Variants in SLC35F2 observed in about 807,000 individuals in gnomAD.
SLC35F2 encodes queuine/queuosine transporter SLC35F2.
A neutral mutation model predicts 38.1 loss-of-function variants in SLC35F2; 25 were observed. The observed-to-expected ratio is 0.66, with a 90% CI of 0.48 to 0.92. The LOEUF is 0.92. Among genes scored for constraint, SLC35F2 ranks in the 40% least tolerant of loss-of-function variants. The pLI is 0.00. For synonymous variants in SLC35F2, 173 were observed against 181.7 expected (o/e 0.95, Z 0.38); for missense variants, 409 against 452.9 (o/e 0.90, Z 0.88).
chr11:107,810,938 T>A, intron 3 of SLC35F2: 3 of 972,958 alleles, frequency 3.1e-6, no homozygotes, highest in Non-Finnish European at 3.7e-6. Context: ...CCACATCTGA[T>A]ACACACTTTT....
At chr11:107,835,531 A>G (rs1363993895) in intron 1 of SLC35F2, among the ~76,000 whole-genome samples, 2 of 151,958 alleles carry the variant, frequency 1.3e-5, no homozygotes, top group Admixed American at 6.6e-5. Context: ...CCTGGGCTCA[A>G]GTGATTTTCC....
intron 1 of SLC35F2, among the ~76,000 whole-genome samples, chr11:107,851,916 A>G (rs191481170): frequency 1.3e-5 from 2 of 152,370 alleles, no homozygotes; most frequent in East Asian, 3.8e-4. Context: ...AATACCCTTC[A>G]GCAGGGATAC....
At chr11:107,854,234 C>T (rs1392166270) in intron 1 of SLC35F2, among the ~76,000 whole-genome samples, 1 of 151,294 alleles carries the variant, frequency 6.6e-6, no homozygotes, top group Non-Finnish European at 1.5e-5. Flanking sequence ...GAGTTTGAGA[C>T]CAGCCTGGGC....
intron 1 of SLC35F2, among the ~76,000 whole-genome samples, chr11:107,856,278 G>A (rs1024778374): frequency 1.3e-5 from 2 of 152,154 alleles, no homozygotes; most frequent in South Asian, 2.1e-4. Context: ...AGAGCTAATG[G>A]TGACAACTAA....
chr11:107,842,750 A>T (rs1419851268), intron 1 of SLC35F2, among the ~76,000 whole-genome samples: 1 of 152,202 alleles, frequency 6.6e-6, no homozygotes, highest in Non-Finnish European at 1.5e-5. Flanking sequence ...ATGAAGTCTA[A>T]CAATCACCTG....
intron 4 of SLC35F2, 149 bp downstream of exon 4, chr11:107,806,568 G>A: frequency 1.4e-6 from 1 of 706,416 alleles, no homozygotes; most frequent in Non-Finnish European, 2.5e-6. Flanking sequence ...ACTATCAACT[G>A]AATTCAACAC....
chr11:107,805,458 A>G lies in SLC35F2; in HGVS notation c.632T>C (p.Ile211Thr). ...GATGTATTCCTCACAAACATTTGAA[A>G]TGGCATAGAGGGAAGCCCCAAGAAG... ...LVLLGASLYA[I>T]SNVCEEYIVK... The change falls in exon 5 of 8, where the codon ATT becomes ACT. Residue 211 changes from isoleucine (I) to threonine (T), a missense_variant. Physicochemically the swap from Ile to Thr is moderately conservative, Grantham distance 89. Coordinates refer to ENST00000525815, the MANE Select transcript of SLC35F2 (RefSeq NM_017515.5). 1 of 1,614,156 alleles carries G rather than the reference A, an allele frequency of 6.2e-7. No homozygotes were observed. The highest frequency in any genetic ancestry group is 1.1e-5 in the South Asian group (1 of 91,074).
rs766449703 is a variant in SLC35F2, at chr11:107,850,550, G to A, written c.110+8108C>T. Among the ~76,000 whole-genome samples the A allele has an allele frequency of 3.9e-5, 6 of 152,162 alleles. No individual in the cohort carries two copies. In the South Asian group the frequency reaches 6.2e-4, roughly 16 times the overall value. ...AAATAGTCAACTCAAGGCCGGGCAC[G>A]GTGGCTCACTTCTATAAGCCCAGCA... On this transcript the variant is annotated intron_variant, in intron 1 of 7. Transcript: ENST00000525815.
At chr11:107,801,215 T>C (rs1859303284) in intron 7 of SLC35F2, among the ~76,000 whole-genome samples, 1 of 152,162 alleles carries the variant, frequency 6.6e-6, no homozygotes, top group Non-Finnish European at 1.5e-5. Flanking sequence ...CCCTCAAAAC[T>C]ATCATTACTA....
chr11:107,806,798 A>G lies in SLC35F2; in HGVS notation c.493T>C (p.Phe165Leu), dbSNP rs879622786. ...AACAGACAGACAGCCACGGCGATGA[A>G]GTGGATCACTCTGTATCTTGCATGA... is the stretch of plus-strand genomic sequence containing the variant. ...ILHARYRVIH[F>L]IAVAVCLLGV... Residue 165 changes from phenylalanine to leucine, a missense_variant, in exon 4 of 8, where the codon TTC becomes CTC. Coordinates refer to ENST00000525815, the MANE Select transcript of SLC35F2 (RefSeq NM_017515.5). 2 of 1,614,090 alleles carry G rather than the reference A, an allele frequency of 1.2e-6. No individual in the cohort carries two copies. Among genetic ancestry groups the G allele is most frequent in the Non-Finnish European group, 1.7e-6 (2 of 1,179,922 alleles).
rs148577551 is a variant in SLC35F2, at chr11:107,792,905, TTTTCTTTCTTTC to T, written c.940-117_940-106del. On this transcript the variant is annotated intron_variant, in intron 7 of 7. Coordinates refer to ENST00000525815, the MANE Select transcript of SLC35F2 (RefSeq NM_017515.5). ...GGATTACCCTCTCATAATCTTTTTA[TTTTCTTTCTTTC>T]TTTCTTTCTTTCTTTTTAAGACAGG... 1.6e-3 allele frequency: 2,191 copies of T among 1,334,852 alleles called. 69 individuals carry two copies. The East Asian group carries it at 0.057, about 35-fold the overall frequency. 82.7% of individuals were successfully genotyped at this position (1,334,852 alleles called of 1,614,324 possible).
At position 107,792,479 on chromosome 11, in the gene SLC35F2, T is replaced by C; in HGVS notation, c.*136A>G. 9.9e-7 allele frequency: 1 copy of C among 1,010,234 alleles called. No homozygotes were observed. The allele number at this position is 1,010,234 out of a possible 1,614,324, so 62.6% of individuals were successfully genotyped here. A position where few individuals can be genotyped will look rare whatever the true frequency, so the allele number is the denominator to read the frequency against. ...TTTTGAACTTTGTTCAGTGTTCCTT[T>C]CTAAAACCTAACCACTGGATCCAAC... On this transcript the variant is annotated 3_prime_UTR_variant, in exon 8 of 8. Coordinates refer to ENST00000525815, the MANE Select transcript of SLC35F2 (RefSeq NM_017515.5).
chr11:107,829,787 T>A (rs1305924287), intron 1 of SLC35F2, among the ~76,000 whole-genome samples: 1 of 151,902 alleles, frequency 6.6e-6, no homozygotes, highest in Non-Finnish European at 1.5e-5. Flanking sequence ...ATATATATCC[T>A]CATTTTCAGT....
At chr11:107,834,765 A>C (rs1859902646) in intron 1 of SLC35F2, among the ~76,000 whole-genome samples, 1 of 152,214 alleles carries the variant, frequency 6.6e-6, no homozygotes, top group South Asian at 2.1e-4. Flanking sequence ...CTGATCATAT[A>C]TACTCATATC....
chr11:107,858,719 C>T lies in SLC35F2; in HGVS notation c.49G>A (p.Glu17Lys). The T allele has an allele frequency of 7.7e-7, 1 of 1,299,178 alleles. No individual in the cohort carries two copies. Among genetic ancestry groups the T allele is most frequent in the Admixed American group, 3.2e-5 (1 of 30,786 alleles). The allele number at this position is 1,299,178 out of a possible 1,614,324, so 80.5% of individuals were successfully genotyped here. The change falls in exon 1 of 8, where the codon GAG (glutamate) becomes AAG (lysine). Residue 17 changes from glutamate to lysine, a missense_variant. Physicochemically the swap from Glu to Lys is moderately conservative, Grantham distance 56. Coordinates refer to ENST00000525815, the MANE Select transcript of SLC35F2 (RefSeq NM_017515.5). ...AGPGAPEPLA[E>K]GAAAEFSSLL... ...CTGGAGAACTCGGCCGCCGCTCCCT[C>T]CGCGAGGGGCTCTGGGGCGCCGGGG...
intron 4 of SLC35F2, 143 bp from the exon 5 acceptor site, chr11:107,805,658 GTGTGTGTGTGTGTA>G (rs769457546): frequency 1.5e-4 from 197 of 1,299,768 alleles, no homozygotes; most frequent in Admixed American, 1.0e-3. Flanking sequence ...ATGTGTGAGA[GTGTGTGTGTGTGTA>G]TGTGTGTGTG....
chr11:107,844,317 T>A (rs1450918377), intron 1 of SLC35F2, among the ~76,000 whole-genome samples: 1 of 152,118 alleles, frequency 6.6e-6, no homozygotes, highest in African/African-American at 2.4e-5. Context: ...TATAGTATTA[T>A]AATACCTGCC....
chr11:107,806,557 T>C, intron 4 of SLC35F2, 160 bp downstream of exon 4: 2 of 663,056 alleles, frequency 3.0e-6, no homozygotes, highest in South Asian at 1.6e-5. Flanking sequence ...TTAGATTTTA[T>C]ACTATCAACT....
intron 1 of SLC35F2, among the ~76,000 whole-genome samples, chr11:107,817,660 T>C (rs960315000): frequency 4.6e-5 from 7 of 152,302 alleles, no homozygotes; most frequent in Non-Finnish European, 7.3e-5. Flanking sequence ...TGAACTACTC[T>C]CACAGCTTAT....
Sources: gnomAD v4.1 joint callset for allele counts (sites outside exome capture counted in the v4.1 genomes callset) on GRCh38, gnomAD v4.1.1 for gene constraint, MANE v1.5 for transcripts, NCBI Gene and HGNC (gene_info 2026-07-23, HGNC 2026-07-21) for gene names.